NELL1: variants seen among roughly 807,000 people sequenced by gnomAD.
NELL1 encodes neural EGFL like 1, also known as protein kinase C-binding protein NELL1.
Under a neutral mutation model 107.4 loss-of-function variants are expected in NELL1, and 76 were observed. That is an observed-to-expected ratio of 0.71 (90% CI 0.59 to 0.86). The LOEUF (loss-of-function observed/expected upper bound fraction) is 0.86, where lower values mean the gene tolerates loss of function less well. Ranked by LOEUF, NELL1 falls within the 40% of genes least tolerant of loss-of-function variation. NELL1 has a pLI of 0.00. For synonymous variants in NELL1, 353 were observed against 341.2 expected (o/e 1.03, Z -0.38); for missense variants, 1,024 against 1,005.5 (o/e 1.02, Z -0.25).
intron 15 of NELL1, among the ~76,000 whole-genome samples, chr11:21,407,693 C>CAT (rs1564879850): frequency 3.0e-5 from 4 of 134,232 alleles, no homozygotes; most frequent in Non-Finnish European, 6.6e-5. Flanking sequence ...CTCCAAATTA[C>CAT]CTTTTTTTTT....
At chr11:21,493,786 T>A (rs1053079009) in intron 15 of NELL1, among the ~76,000 whole-genome samples, 4 of 152,042 alleles carry the variant, frequency 2.6e-5, no homozygotes, top group African/African-American at 9.7e-5. Context: ...TGACAAATAG[T>A]GTAGGTGATA....
chr11:21,533,432 CAAA>C (rs1224814915), intron 15 of NELL1, among the ~76,000 whole-genome samples: 1 of 152,106 alleles, frequency 6.6e-6, no homozygotes, highest in Non-Finnish European at 1.5e-5. Context: ...CAAGACAAGT[CAAA>C]GAAGATTCCC....
rs571328622 is a variant in NELL1, at chr11:21,575,238, G to C, written c.*216G>C. 5 of 509,766 alleles carry C rather than the reference G, an allele frequency of 9.8e-6. No homozygotes were observed. The highest frequency in any genetic ancestry group is 1.8e-5 in the Non-Finnish European group (5 of 282,482). The allele number at this position is 509,766 out of a possible 1,614,324, so 31.6% of individuals were successfully genotyped here. On this transcript the variant is annotated 3_prime_UTR_variant, in exon 20 of 20. Transcript: ENST00000357134. The stretch of plus-strand genomic sequence containing the variant: ...CCTAGTCTAGGTGACCTACAGTGCC[G>C]TGCATTTAAGTCAATGGTTGTTAAA...
chr11:21,178,743 G>A (rs1207766326), intron 13 of NELL1, among the ~76,000 whole-genome samples: 1 of 150,256 alleles, frequency 6.7e-6, no homozygotes, highest in Non-Finnish European at 1.5e-5. Flanking sequence ...CAGCCTTGGG[G>A]ACAGAGTGAG....
At chr11:20,899,412 T>C (rs1221363423) in intron 5 of NELL1, among the ~76,000 whole-genome samples, 1 of 152,138 alleles carries the variant, frequency 6.6e-6, no homozygotes, top group African/African-American at 2.4e-5. Flanking sequence ...GGGAAAATAA[T>C]AGTATAAGTT....
intron 13 of NELL1, among the ~76,000 whole-genome samples, chr11:21,162,746 A>G (rs1013414319): frequency 2.0e-5 from 3 of 152,170 alleles, no homozygotes; most frequent in African/African-American, 7.2e-5. Flanking sequence ...GAATAAACAG[A>G]GCCGGAGACT....
chr11:20,786,532 G>C (rs1856962704), intron 3 of NELL1, among the ~76,000 whole-genome samples: 1 of 151,946 alleles, frequency 6.6e-6, no homozygotes, highest in Non-Finnish European at 1.5e-5. Context: ...AAAGTGTGTT[G>C]GCAGTGGAGG....
chr11:21,378,853 G>C (rs1359747459), intron 15 of NELL1, among the ~76,000 whole-genome samples: 1 of 151,602 alleles, frequency 6.6e-6, no homozygotes. Context: ...GAGTAGCTGG[G>C]ATTACAGATG....
chr11:21,473,994 C>T (rs939704534), intron 15 of NELL1, among the ~76,000 whole-genome samples: 1 of 151,992 alleles, frequency 6.6e-6, no homozygotes, highest in Non-Finnish European at 1.5e-5. Flanking sequence ...AGTACTGTTA[C>T]GTACGAGGTA....
chr11:20,743,394 A>G (rs1358312413), intron 2 of NELL1, among the ~76,000 whole-genome samples: 1 of 151,898 alleles, frequency 6.6e-6, no homozygotes, highest in Non-Finnish European at 1.5e-5. Context: ...TCTGACTAAA[A>G]CCTATTTGTG....
intron 12 of NELL1, among the ~76,000 whole-genome samples, chr11:20,966,872 TC>T (rs1851397388): frequency 6.6e-6 from 1 of 151,930 alleles, no homozygotes; most frequent in South Asian, 2.1e-4. Flanking sequence ...ACGATTTTCT[TC>T]TTGAAAGTAT....
At chr11:21,548,760 G>T (rs1240506431) in intron 16 of NELL1, among the ~76,000 whole-genome samples, 1 of 151,484 alleles carries the variant, frequency 6.6e-6, no homozygotes, top group Non-Finnish European at 1.5e-5. Flanking sequence ...TTATGAGGTG[G>T]GACAAGCCTG....
At chr11:21,379,740 G>A (rs1851565703) in intron 15 of NELL1, among the ~76,000 whole-genome samples, 1 of 151,938 alleles carries the variant, frequency 6.6e-6, no homozygotes, top group African/African-American at 2.4e-5. Context: ...TCTGTGCCCC[G>A]CGGACTTGCA....
At chr11:20,721,202 A>G (rs936735878) in intron 2 of NELL1, among the ~76,000 whole-genome samples, 1 of 134,634 alleles carries the variant, frequency 7.4e-6, no homozygotes, top group African/African-American at 3.0e-5. Flanking sequence ...TATATAGTGT[A>G]TATATATATT....
chr11:21,291,298 G>A (rs968229002), intron 14 of NELL1, among the ~76,000 whole-genome samples: 13 of 152,098 alleles, frequency 8.5e-5, no homozygotes, highest in African/African-American at 3.1e-4. Context: ...ACCAATGAGA[G>A]CAAAGACACA....
rs150331147 is a variant in NELL1, at chr11:21,563,255, A to G, written c.1980+2873A>G. The stretch of plus-strand genomic sequence containing the variant: ...TCTAGGACTTTAGGAAGACATCTTT[A>G]TTTTCAGCCTGTGCTACATGGGAAG... On this transcript the variant is annotated intron_variant, in intron 17 of 19. Coordinates refer to ENST00000357134, the MANE Select transcript of NELL1 (RefSeq NM_006157.5). 1.1e-4 allele frequency among the ~76,000 whole-genome samples: 17 copies of G among 152,074 alleles called. 1 individual carries two copies. Among genetic ancestry groups the G allele is most frequent in the African/African-American group, 3.9e-4 (16 of 41,520 alleles).
At chr11:21,430,722 A>C (rs1590926860) in intron 15 of NELL1, among the ~76,000 whole-genome samples, 1 of 152,138 alleles carries the variant, frequency 6.6e-6, no homozygotes, top group African/African-American at 2.4e-5. Context: ...GACAGCCAGA[A>C]ATGGTAAGAT....
chr11:21,119,938 A>G (rs529460448), intron 13 of NELL1, among the ~76,000 whole-genome samples: 1 of 152,276 alleles, frequency 6.6e-6, no homozygotes, highest in South Asian at 2.1e-4. Flanking sequence ...TTACAACAAA[A>G]GCATGCAGCG....
At position 21,455,959 on chromosome 11, in the gene NELL1, G is replaced by A. The variant is rs139380464; in HGVS notation, c.1646-78415G>A. 3.0e-3 allele frequency among the ~76,000 whole-genome samples: 362 copies of A among 122,230 alleles called. 3 individuals carry two copies. The highest frequency in any genetic ancestry group is 0.011 in the African/African-American group (351 of 30,668). 80.2% of individuals were successfully genotyped at this position (122,230 alleles called of 152,430 possible). On this transcript the variant is annotated intron_variant, in intron 15 of 19. Coordinates refer to ENST00000357134, the MANE Select transcript of NELL1 (RefSeq NM_006157.5). Reference sequence around the variant, plus strand: ...GCTGGAGTGCAGTGGCATGATCTCGGCTCACTACAACCTCTGCCTCCCAGG... The same window carrying A: ...GCTGGAGTGCAGTGGCATGATCTCGACTCACTACAACCTCTGCCTCCCAGG...
Sources: allele counts gnomAD v4.1 joint callset (sites outside exome capture counted in the v4.1 genomes callset), GRCh38; gene constraint gnomAD v4.1.1; transcripts MANE v1.5; gene names NCBI Gene and HGNC (gene_info 2026-07-23, HGNC 2026-07-21).